Variants in PPP6R1 observed in about 807,000 individuals in gnomAD.
PPP6R1 encodes the protein serine/threonine-protein phosphatase 6 regulatory subunit 1.
In PPP6R1, 39 loss-of-function variants were observed where a neutral mutation model predicts 104.6. The ratio of observed to expected loss-of-function variants is 0.37; its 90% CI spans 0.29 to 0.49. The LOEUF is 0.49. Ranked by LOEUF, PPP6R1 falls within the 20% of genes least tolerant of loss-of-function variation. The pLI is 0.98. For missense variants in PPP6R1, 1,181 were observed against 1,155.8 expected (o/e 1.02, Z -0.32); for synonymous variants, 549 against 479.0 (o/e 1.15, Z -1.91).
In PPP6R1 at chr19:55,231,889, G is replaced by A. The variant is rs1196011313; in HGVS notation, c.2219C>T (p.Pro740Leu). Reference protein sequence around the residue: ...SGEEELHTGPPAPQGPLSVPQ... With the variant: ...SGEEELHTGPLAPQGPLSVPQ... ...CACACTGAGGGGCCCCTGTGGGGCTGGAGGCCCAGTGTGCAGCTCTTCCTC... is the reference window on the plus strand; with the variant it reads ...CACACTGAGGGGCCCCTGTGGGGCTAGAGGCCCAGTGTGCAGCTCTTCCTC... Residue 740 changes from proline (P) to leucine (L), a missense_variant, in exon 19 of 24, where the codon CCA becomes CTA. This residue lies in a region of PPP6R1 where 1,042 missense variants were observed against 955.6 expected (regional missense o/e 1.09). Transcript: ENST00000412770. The A allele has an allele frequency of 2.0e-6, 3 of 1,514,210 alleles. No individual in the cohort carries two copies. Among genetic ancestry groups the A allele is most frequent in the African/African-American group, 2.8e-5 (2 of 72,176 alleles). 93.8% of individuals were successfully genotyped at this position (1,514,210 alleles called of 1,614,324 possible).
At chr19:55,246,216 A>C (rs2087506889) in intron 2 of PPP6R1, among the ~76,000 whole-genome samples, 1 of 152,124 alleles carries the variant, frequency 6.6e-6, no homozygotes, top group Non-Finnish European at 1.5e-5. Context: ...ATATCACTTG[A>C]GGTCAGAAGT....
At position 55,231,465 on chromosome 19, in the gene PPP6R1, C is replaced by T. The variant is rs780621892; in HGVS notation, c.2404G>A (p.Gly802Arg). The T allele has an allele frequency of 6.7e-5, 107 of 1,608,138 alleles. No individual in the cohort carries two copies. Among genetic ancestry groups the T allele is most frequent in the Middle Eastern group, 5.0e-4 (3 of 6,010 alleles). ...SAPCQALVSI[G>R]DLQATFHGIR... is the part of the protein sequence containing the mutation. ...CCGTGGAAGGTGGCCTGAAGGTCCC[C>T]GATGCTAACCAAGGCCTGGCAAGGG... The change falls in exon 21 of 24, where the codon GGG (glycine) becomes AGG (arginine). Residue 802 changes from glycine to arginine, a missense_variant. Gly to Arg is a moderately radical substitution (Grantham distance 125). Transcript: ENST00000412770.
At position 55,241,224 on chromosome 19, in the gene PPP6R1, G is replaced by A. The variant is rs745967675; in HGVS notation, c.1161+15C>T. On this transcript the variant is annotated intron_variant, in intron 9 of 23. Transcript: ENST00000412770. The surrounding 1 kb of genome is among the most constrained non-coding windows in gnomAD (Gnocchi z 5.4). ...CCCCAGCCCCTGAACCCCCAGCCCG[G>A]TCCAGTCCCCGCACCAGCATGGTGT... The A allele has an allele frequency of 3.6e-6, 5 of 1,406,170 alleles. No homozygotes were observed. Among genetic ancestry groups the A allele is most frequent in the East Asian group, 3.4e-5 (1 of 29,364 alleles). The allele number at this position is 1,406,170 out of a possible 1,614,324, so 87.1% of individuals were successfully genotyped here. A position where few individuals can be genotyped will look rare whatever the true frequency, so the allele number is the denominator to read the frequency against.
chr19:55,253,558 C>A (rs1221325721), intron 1 of PPP6R1, among the ~76,000 whole-genome samples: 1 of 152,192 alleles, frequency 6.6e-6, no homozygotes, highest in Non-Finnish European at 1.5e-5. Flanking sequence ...CCCTGAGAAC[C>A]CAGGCAGCGC....
Position 55,239,698 on chromosome 19 carries a change from G to C in PPP6R1, c.1564-15C>G. On this transcript the variant is annotated splice_polypyrimidine_tract_variant and intron_variant, in intron 13 of 23. Coordinates refer to ENST00000412770, the MANE Select transcript of PPP6R1 (RefSeq NM_014931.4). ...TGGGTGTTCACCTGGGGAGAGGAGG[G>C]GGCGTCAGGGCCTGCTGGAGCCCCC... is the stretch of plus-strand genomic sequence containing the variant. 1 of 1,603,322 alleles carries C rather than the reference G, an allele frequency of 6.2e-7. No individual in the cohort carries two copies. The highest frequency in any genetic ancestry group is 8.5e-7 in the Non-Finnish European group (1 of 1,173,252).
At chr19:55,231,368 A>G (rs2087344039) in intron 21 of PPP6R1, 42 bp downstream of exon 21, 1 of 1,532,674 alleles carries the variant, frequency 6.5e-7, no homozygotes, top group Non-Finnish European at 8.8e-7. Flanking sequence ...AAGAGGAGAA[A>G]AGACTTCTCC....
rs200237875 is a variant in PPP6R1, at chr19:55,247,029, G to C, written c.75C>G (p.Pro25=). 4.3e-6 allele frequency: 7 copies of C among 1,613,868 alleles called. No individual in the cohort carries two copies. Among genetic ancestry groups the C allele is most frequent in the South Asian group, 1.1e-5 (1 of 91,086 alleles). ...TLLEREDLSL[P]ELLDEEDVLQ... ...GCACGTCTTCCTCGTCCAGCAGCTC[G>C]GGCAGGCTCAGGTCCTCCCGCTCCA... is the stretch of plus-strand genomic sequence containing the variant. Residue 25 remains proline (P), a synonymous_variant, in exon 2 of 24, where the codon CCC becomes CCG. Transcript: ENST00000412770.
chr19:55,247,693 T>C (rs2087521648), intron 1 of PPP6R1, among the ~76,000 whole-genome samples: 1 of 152,086 alleles, frequency 6.6e-6, no homozygotes, highest in Non-Finnish European at 1.5e-5. Context: ...GTGGGAGGCA[T>C]GGGGCGGCGG....
intron 21 of PPP6R1, 74 bp downstream of exon 21, chr19:55,231,336 G>T: frequency 6.8e-7 from 1 of 1,473,826 alleles, no homozygotes; most frequent in South Asian, 1.2e-5. Flanking sequence ...GGGACAAGAT[G>T]AACCCAGAGC....
downstream of PPP6R1, chr19:55,228,533 C>T: frequency 6.4e-7 from 1 of 1,552,670 alleles, no homozygotes; most frequent in Middle Eastern, 1.9e-4. Flanking sequence ...CACCTGGGAC[C>T]CCAGCTGTAC....
chr19:55,243,748 G>A (rs1383904196), intron 5 of PPP6R1, among the ~76,000 whole-genome samples: 1 of 152,154 alleles, frequency 6.6e-6, no homozygotes, highest in Non-Finnish European at 1.5e-5. Flanking sequence ...GAACTCCTGG[G>A]CCCAAGAGAT....
At chr19:55,247,172 C>T (rs1293062156) in intron 1 of PPP6R1, 63 bp from the exon 2 acceptor site, 20 of 1,524,786 alleles carry the variant, frequency 1.3e-5, no homozygotes, top group Non-Finnish European at 1.6e-5. Context: ...CTGGACGAGG[C>T]ACTGACCACA....
intron 1 of PPP6R1, among the ~76,000 whole-genome samples, chr19:55,254,059 C>T (rs1423319867): frequency 1.3e-5 from 2 of 152,172 alleles, no homozygotes; most frequent in Non-Finnish European, 2.9e-5. Context: ...GGTAGGGGAC[C>T]GGTCACTACC....
At chr19:55,228,789 CA>C (rs2122472644), downstream of PPP6R1, 1 of 1,598,136 alleles carries the variant, frequency 6.3e-7, no homozygotes, top group African/African-American at 1.3e-5. Flanking sequence ...CGAGTGGCTT[CA>C]GGGGGTGGAG....
In PPP6R1 at chr19:55,240,020, G is replaced by T. The variant is rs1364191717; in HGVS notation, c.1456C>A (p.Gln486Lys). The T allele has an allele frequency of 2.5e-6, 4 of 1,603,986 alleles. No homozygotes were observed. The highest frequency in any genetic ancestry group is 3.4e-6 in the Non-Finnish European group (4 of 1,176,262). ...QNTEKGPNAE[Q>K]LRQLLKELPS... ...TCACCCTTCAGCAGCTGCCGCAGCT[G>T]CTCTGCATTGGGCCCCTTCTCCGTG... is the stretch of plus-strand genomic sequence containing the variant. Residue 486 changes from glutamine (Q) to lysine (K), a missense_variant, in exon 12 of 24, where the codon CAG (glutamine) becomes AAG (lysine). Around this residue, in one of 2 missense-constraint regions of PPP6R1, gnomAD observed 1,042 missense variants for 955.6 expected, o/e 1.09. Coordinates refer to ENST00000412770, the MANE Select transcript of PPP6R1 (RefSeq NM_014931.4).
rs1333408762 is a variant in PPP6R1 at position 55,236,965 on chromosome 19, G to A, written c.1757C>T (p.Pro586Leu). The change falls in exon 16 of 24, where the codon CCT (proline) becomes CTT (leucine). Residue 586 changes from proline (P) to leucine (L), a missense_variant. Pro to Leu is a moderately conservative substitution (Grantham distance 98). This residue lies in a region of PPP6R1 where 1,042 missense variants were observed against 955.6 expected (regional missense o/e 1.09). Transcript: ENST00000412770. Reference sequence around the variant, plus strand: ...GGTGATGTTGGCTGTCTTGTCAAAAGGTGCGCTAGGAGAGAAGGCAAGGCA... The same window carrying A: ...GGTGATGTTGGCTGTCTTGTCAAAAAGTGCGCTAGGAGAGAAGGCAAGGCA... ...FGEQEESVNA[P>L]FDKTANITFS... 11 of 1,611,652 alleles carry A rather than the reference G, an allele frequency of 6.8e-6. No individual in the cohort carries two copies. The highest frequency in any genetic ancestry group is 5.0e-5 in the Admixed American group (3 of 60,010).
intron 1 of PPP6R1, among the ~76,000 whole-genome samples, chr19:55,248,403 G>A (rs776845208): frequency 2.1e-4 from 32 of 152,232 alleles, no homozygotes; most frequent in Non-Finnish European, 4.0e-4. Flanking sequence ...ACTGACCAGA[G>A]CTCACGCTCA....
At chr19:55,252,903 C>T (rs1225108443) in intron 1 of PPP6R1, among the ~76,000 whole-genome samples, 1 of 151,772 alleles carries the variant, frequency 6.6e-6, no homozygotes, top group African/African-American at 2.4e-5. Context: ...AAAAAAAAAA[C>T]CTGCCTCAGG....
rs369549628 is a variant in PPP6R1 at position 55,245,096 on chromosome 19, C to G, written c.618+24G>C. 5 of 1,611,476 alleles carry G rather than the reference C, an allele frequency of 3.1e-6. No homozygotes were observed. Among genetic ancestry groups the G allele is most frequent in the Middle Eastern group, 1.7e-4 (1 of 6,016 alleles). ...TGGGGAAGGAACTCTAAGGGGAATC[C>G]GCAGGGGCATCGGCAGCACTCACAT... On this transcript the variant is annotated intron_variant, in intron 5 of 23. Coordinates refer to ENST00000412770, the MANE Select transcript of PPP6R1 (RefSeq NM_014931.4). This position sits in a 1 kb window ranked among gnomAD's most constrained non-coding sequence, Gnocchi z 6.4.
Sources: allele counts gnomAD v4.1 joint callset (sites outside exome capture counted in the v4.1 genomes callset), GRCh38; gene constraint gnomAD v4.1.1; regional missense constraint gnomAD v4.1.1; non-coding constraint Gnocchi (gnomAD v3.1); transcripts MANE v1.5; gene names NCBI Gene and HGNC (gene_info 2026-07-23, HGNC 2026-07-21).